Variants in EVL observed in about 807,000 individuals in gnomAD.
The protein encoded by EVL is Enah/Vasp-like.
Under a neutral mutation model 59.6 loss-of-function variants are expected in EVL, and 21 were observed. The observed-to-expected ratio is 0.35, with a 90% CI of 0.25 to 0.51. EVL has a LOEUF of 0.51. Among genes scored for constraint, EVL ranks in the 20% least tolerant of loss-of-function variants. EVL has a pLI of 0.97. For missense variants in EVL, 462 were observed against 546.6 expected (o/e 0.85, Z 1.54); for synonymous variants, 198 against 203.5 (o/e 0.97, Z 0.23).
intron 3 of EVL, among the ~76,000 whole-genome samples, chr14:100,116,501 C>G (rs1566709927): frequency 6.6e-6 from 1 of 152,200 alleles, no homozygotes; most frequent in Non-Finnish European, 1.5e-5. Context: ...GGGCTGGTCT[C>G]CCAGAGCCTC....
intron 1 of EVL, among the ~76,000 whole-genome samples, chr14:100,032,983 A>G (rs1329643601): frequency 6.6e-6 from 1 of 151,508 alleles, no homozygotes; most frequent in Non-Finnish European, 1.5e-5. Context: ...CACAGGCCCT[A>G]GAAGAGGAAA....
At chr14:100,040,122 T>C (rs1018017952) in intron 1 of EVL, among the ~76,000 whole-genome samples, 4 of 152,360 alleles carry the variant, frequency 2.6e-5, no homozygotes, top group African/African-American at 9.6e-5. Context: ...CCTTTGTGTT[T>C]GCTTGTGGCA....
rs1382579011 is a variant in EVL at position 99,972,407 on chromosome 14, C to G, written c.5+350C>G. Among the ~76,000 whole-genome samples the G allele has an allele frequency of 6.6e-6, 1 of 152,054 alleles. No homozygotes were observed. Among genetic ancestry groups the G allele is most frequent in the African/African-American group, 2.4e-5 (1 of 41,410 alleles). On this transcript the variant is annotated intron_variant, in intron 1 of 13. Coordinates refer to the EVL transcript ENST00000402714. The surrounding 1 kb of genome is among the most constrained non-coding windows in gnomAD (Gnocchi z 4.4). ...CCCGCGGGCAGGTGTGGCCGTGTCC[C>G]GACCGCGCGAGGACCGAAGTTGGCG...
At position 100,085,053 on chromosome 14, in the gene EVL, A is replaced by G. The variant is rs76091340; in HGVS notation, c.180+198A>G. 2.4e-3 allele frequency: 1,331 copies of G among 543,470 alleles called. 13 individuals carry two copies. Among genetic ancestry groups the G allele is most frequent in the African/African-American group, 0.023 (1,222 of 52,570 alleles). The allele number at this position is 543,470 out of a possible 1,614,324, so 33.7% of individuals were successfully genotyped here. On this transcript the variant is annotated intron_variant, in intron 2 of 13. Coordinates refer to ENST00000392920, the MANE Select transcript of EVL (RefSeq NM_016337.3). ...TTAAGCACACTGTTTCCTGGATTTC[A>G]CTTTTTACCTATGTCATATGGAGAC...
At chr14:99,997,279 TAAG>T (rs1219015942) in intron 1 of EVL, among the ~76,000 whole-genome samples, 7 of 152,248 alleles carry the variant, frequency 4.6e-5, no homozygotes, top group Non-Finnish European at 1.0e-4. Flanking sequence ...TTGAGGAAGT[TAAG>T]AAGCTGGAAG....
chr14:100,065,766 A>G (rs79670244), intron 1 of EVL, among the ~76,000 whole-genome samples: 2 of 152,092 alleles, frequency 1.3e-5, no homozygotes, highest in African/African-American at 2.4e-5. Context: ...TTCTGAGTCA[A>G]GGACTTACTT....
intron 1 of EVL, among the ~76,000 whole-genome samples, chr14:99,999,804 C>A: frequency 6.6e-6 from 1 of 152,182 alleles, no homozygotes; most frequent in South Asian, 2.1e-4. Context: ...CCCTGTGAGG[C>A]CATCAGCACA....
intron 1 of EVL, among the ~76,000 whole-genome samples, chr14:99,978,576 C>T (rs184291170): frequency 7.2e-4 from 110 of 152,142 alleles, no homozygotes; most frequent in East Asian, 1.3e-3. Context: ...AATACCTATA[C>T]GTGTATATTT....
At chr14:99,979,323 A>G in intron 1 of EVL, among the ~76,000 whole-genome samples, 1 of 152,156 alleles carries the variant, frequency 6.6e-6, no homozygotes, top group Admixed American at 6.5e-5. Flanking sequence ...TCTATTGGGA[A>G]CATTCTCTTC....
In EVL at chr14:100,111,824, A is replaced by T. The variant is rs577380516; in HGVS notation, c.359-11715A>T. On this transcript the variant is annotated intron_variant, in intron 3 of 13. Coordinates refer to ENST00000392920, the MANE Select transcript of EVL (RefSeq NM_016337.3). ...AGTGCTAAGAAACTTGCCCCAGGCCACTCTGGTGAATGCAGAGCTTAAGGC... is the reference window on the plus strand; with the variant it reads ...AGTGCTAAGAAACTTGCCCCAGGCCTCTCTGGTGAATGCAGAGCTTAAGGC... Among the ~76,000 whole-genome samples the T allele has an allele frequency of 4.6e-5, 7 of 152,282 alleles. No individual in the cohort carries two copies. In the East Asian group the frequency reaches 1.4e-3, roughly 29 times the overall value.
At chr14:100,081,202 G>T (rs1043519259) in intron 1 of EVL, among the ~76,000 whole-genome samples, 2 of 152,198 alleles carry the variant, frequency 1.3e-5, no homozygotes, top group African/African-American at 4.8e-5. Context: ...TAGGGAGGGT[G>T]TGTATGATAC....
chr14:100,009,372 G>A (rs942005773), intron 1 of EVL, among the ~76,000 whole-genome samples: 1 of 152,222 alleles, frequency 6.6e-6, no homozygotes, highest in Admixed American at 6.5e-5. Context: ...TTGGATGCTT[G>A]AAATTCCCAC....
At position 99,973,988 on chromosome 14, in the gene EVL, T is replaced by C. The variant is rs74792614; in HGVS notation, c.5+1931T>C. Among the ~76,000 whole-genome samples the C allele has an allele frequency of 2.6e-5, 4 of 152,242 alleles. No homozygotes were observed. In the East Asian group the frequency reaches 5.8e-4, roughly 22 times the overall value. ...AGTCTTCGCTTTGGAGTTATTTTCT[T>C]TCTGCCTGAAGAATACTCTTCAGTA... On this transcript the variant is annotated intron_variant, in intron 1 of 13. Transcript: ENST00000402714.
At chr14:100,035,896 G>A (rs146778090) in intron 1 of EVL, among the ~76,000 whole-genome samples, 1 of 152,132 alleles carries the variant, frequency 6.6e-6, no homozygotes, top group Non-Finnish European at 1.5e-5. Flanking sequence ...ACATGACCCA[G>A]ACCTGGCCAG....
chr14:100,068,015 T>C lies in EVL; in HGVS notation c.11+2504T>C, dbSNP rs568256842. On this transcript the variant is annotated intron_variant, in intron 1 of 13. Transcript: ENST00000392920. ...GTCACCCAGCGGCTGCTCTGGGTGC[T>C]AGGGACACAGTGGTAAACAAGACAG... Among the ~76,000 whole-genome samples the C allele has an allele frequency of 1.3e-4, 20 of 152,166 alleles. No individual in the cohort carries two copies. In the East Asian group the frequency reaches 3.7e-3, roughly 28 times the overall value.
At chr14:100,085,771 C>T (rs61984512) in intron 2 of EVL, among the ~76,000 whole-genome samples, 4,622 of 152,138 alleles carry the variant, frequency 0.03, 113 homozygotes, top group Non-Finnish European at 0.047. Context: ...CGAAATAGCC[C>T]TATTAAGTTT....
intron 1 of EVL, among the ~76,000 whole-genome samples, chr14:100,067,804 TGAG>T (rs1184895945): frequency 2.0e-5 from 3 of 152,022 alleles, no homozygotes; most frequent in South Asian, 2.1e-4. Flanking sequence ...CTCACAGAAA[TGAG>T]GAGGCGACTG....
In EVL at chr14:100,065,530, GC is replaced by G; in HGVS notation, c.11+20del. Reference sequence around the variant, plus strand: ...CCACAAGGTGAGTATTGGAACCAGTGCAGGGGACAGAGGGATGTCAAGAGGA... The same window carrying G: ...CCACAAGGTGAGTATTGGAACCAGTGAGGGGACAGAGGGATGTCAAGAGGA... On this transcript the variant is annotated intron_variant, in intron 1 of 13. Coordinates refer to ENST00000392920, the MANE Select transcript of EVL (RefSeq NM_016337.3). 2 of 1,465,298 alleles carry G rather than the reference GC, an allele frequency of 1.4e-6. No individual in the cohort carries two copies. The highest frequency in any genetic ancestry group is 2.5e-5 in the East Asian group (1 of 40,292). The allele number at this position is 1,465,298 out of a possible 1,614,324, so 90.8% of individuals were successfully genotyped here. A position where few individuals can be genotyped will look rare whatever the true frequency, so the allele number is the denominator to read the frequency against.
intron 1 of EVL, among the ~76,000 whole-genome samples, chr14:99,990,722 G>T (rs1373904617): frequency 6.6e-6 from 1 of 152,114 alleles, no homozygotes; most frequent in Non-Finnish European, 1.5e-5. Flanking sequence ...TATATATAGA[G>T]AGAGAGATGC....
Sources: allele counts gnomAD v4.1 joint callset (sites outside exome capture counted in the v4.1 genomes callset), GRCh38; gene constraint gnomAD v4.1.1; non-coding constraint Gnocchi (gnomAD v3.1); transcripts MANE v1.5; gene names NCBI Gene and HGNC (gene_info 2026-07-23, HGNC 2026-07-21).